MEAF6: variants seen among roughly 807,000 people sequenced by gnomAD.
MEAF6 encodes the protein chromatin modification-related protein MEAF6.
MEAF6 carries 15 observed loss-of-function variants against 28.9 expected under a neutral mutation model. The ratio of observed to expected loss-of-function variants is 0.52; its 90% CI spans 0.35 to 0.80. The LOEUF is 0.80. Among genes scored for constraint, MEAF6 ranks in the 30% least tolerant of loss-of-function variants. The probability of loss-of-function intolerance (pLI) is 0.01; values close to 1 mark genes in which losing one functional copy is unlikely to be tolerated. For synonymous variants in MEAF6, 97 were observed against 88.7 expected (o/e 1.09, Z -0.53); for missense variants, 178 against 237.5 (o/e 0.75, Z 1.65).
chr1:37,499,225 T>C (rs181805677), intron 5 of MEAF6, among the ~76,000 whole-genome samples: 1,620 of 152,314 alleles, frequency 0.011, 22 homozygotes, highest in Non-Finnish European at 0.013. Context: ...GCCATATTTA[T>C]TTCCACCTTT....
At chr1:37,497,874 G>C (rs1642171655) in intron 5 of MEAF6, among the ~76,000 whole-genome samples, 1 of 152,052 alleles carries the variant, frequency 6.6e-6, no homozygotes, top group African/African-American at 2.4e-5. Flanking sequence ...TTACAGGCAT[G>C]AGCCACTGCA....
intron 2 of MEAF6, among the ~76,000 whole-genome samples, chr1:37,512,215 A>G (rs1290314706): frequency 2.0e-5 from 3 of 152,246 alleles, no homozygotes; most frequent in Non-Finnish European, 4.4e-5. Context: ...AGAACTATAT[A>G]TATACATTGT....
intron 2 of MEAF6, 79 bp downstream of exon 2, chr1:37,513,344 G>A (rs1453074094): frequency 3.8e-6 from 4 of 1,049,006 alleles, no homozygotes; most frequent in Middle Eastern, 4.1e-4. Flanking sequence ...CTCCAGCAAA[G>A]TTGCCACTAA....
intron 5 of MEAF6, among the ~76,000 whole-genome samples, chr1:37,497,004 C>T (rs1642146437): frequency 6.6e-6 from 1 of 151,928 alleles, no homozygotes; most frequent in Non-Finnish European, 1.5e-5. Flanking sequence ...TTATTAGCTG[C>T]CAAATTCGGA....
Position 37,493,765 on chromosome 1 carries a change from G to C in MEAF6, c.*334C>G. 6.5e-7 allele frequency: 1 copy of C among 1,548,296 alleles called. No homozygotes were observed. The highest frequency in any genetic ancestry group is 1.4e-5 in the African/African-American group (1 of 73,090). Reference sequence around the variant, plus strand: ...CAAAACCAGAGAACATTTCTTGAAGGGTATCACAGATGAAGCTGGTGCCAG... The same window carrying C: ...CAAAACCAGAGAACATTTCTTGAAGCGTATCACAGATGAAGCTGGTGCCAG... On this transcript the variant is annotated 3_prime_UTR_variant, in exon 7 of 7. Transcript: ENST00000296214.
chr1:37,500,278 G>C (rs1329912591), intron 5 of MEAF6, among the ~76,000 whole-genome samples: 1 of 70,766 alleles, frequency 1.4e-5, no homozygotes, highest in Non-Finnish European at 4.1e-5. Context: ...CTGGGTGACA[G>C]AGCAAGACTG....
chr1:37,494,895 G>A (rs1642064708), intron 6 of MEAF6, among the ~76,000 whole-genome samples: 1 of 151,582 alleles, frequency 6.6e-6, no homozygotes, highest in Non-Finnish European at 1.5e-5. Context: ...TTTCACATCT[G>A]AAAATGGTCT....
intron 5 of MEAF6, chr1:37,500,916 G>A (rs944109909): frequency 9.7e-5 from 15 of 154,138 alleles, no homozygotes; most frequent in African/African-American, 3.6e-4. Flanking sequence ...TCTAGAATGA[G>A]AACTCTTACC....
intron 4 of MEAF6, among the ~76,000 whole-genome samples, chr1:37,506,882 T>C (rs1298004683): frequency 2.6e-5 from 4 of 152,198 alleles, no homozygotes. Context: ...ACATAAGTGT[T>C]TGTCTTAGCC....
chr1:37,506,740 A>C (rs1642498048), intron 4 of MEAF6, among the ~76,000 whole-genome samples: 1 of 152,020 alleles, frequency 6.6e-6, no homozygotes, highest in Non-Finnish European at 1.5e-5. Context: ...CTCAGGCTGG[A>C]GTGTCATGGC....
chr1:37,496,685 T>TA (rs778474190), intron 5 of MEAF6: 73 of 1,586,542 alleles, frequency 4.6e-5, no homozygotes, highest in Non-Finnish European at 6.1e-5. Context: ...ACAGCACAAA[T>TA]ACTAATTCAA....
In MEAF6 at chr1:37,492,738, T is replaced by C. The variant is rs114745536; in HGVS notation, c.*1361A>G. 0.051 allele frequency: 7,802 copies of C among 152,652 alleles called. 293 individuals are homozygous for C. Among genetic ancestry groups the C allele is most frequent in the Non-Finnish European group, 0.077 (5,245 of 68,026 alleles). 9.5% of individuals were successfully genotyped at this position (152,652 alleles called of 1,614,324 possible). A position where few individuals can be genotyped will look rare whatever the true frequency, so the allele number is the denominator to read the frequency against. On this transcript the variant is annotated 3_prime_UTR_variant, in exon 7 of 7. Transcript: ENST00000296214. The stretch of plus-strand genomic sequence containing the variant: ...AAAGATATAGGCATAAGTCAAGGAC[T>C]ATGACTAACTAGAGTGAAAGGAAAG...
At chr1:37,503,442 A>G (rs1410037344) in intron 4 of MEAF6, among the ~76,000 whole-genome samples, 4 of 152,136 alleles carry the variant, frequency 2.6e-5, no homozygotes, top group African/African-American at 7.2e-5. Flanking sequence ...CTTGAGGCCA[A>G]ATGTTCAAGA....
intron 4 of MEAF6, among the ~76,000 whole-genome samples, chr1:37,502,902 G>A (rs1204376155): frequency 6.6e-6 from 1 of 151,948 alleles, no homozygotes; most frequent in Non-Finnish European, 1.5e-5. Flanking sequence ...TTACAGGCAT[G>A]AGCCACCACA....
At chr1:37,509,246 A>G (rs1569985103) in intron 4 of MEAF6, 32 bp downstream of exon 4, 1 of 1,600,298 alleles carries the variant, frequency 6.2e-7, no homozygotes, top group Non-Finnish European at 8.6e-7. Context: ...CTTAAAAATA[A>G]ACTGATGAGA....
rs745816169 is a variant in MEAF6 at position 37,494,122 on chromosome 1, A to G, written c.568-15T>C. On this transcript the variant is annotated splice_polypyrimidine_tract_variant and intron_variant, in intron 6 of 6. Coordinates refer to ENST00000296214, the MANE Select transcript of MEAF6 (RefSeq NM_001270875.3). ...TTCTAATAGTCCTAAAGAAAGAAAA[A>G]CAAAAGTCCCAACTTACTCTCGGCA... The G allele has an allele frequency of 1.9e-6, 3 of 1,609,076 alleles. No individual in the cohort carries two copies. Among genetic ancestry groups the G allele is most frequent in the Non-Finnish European group, 2.6e-6 (3 of 1,176,334 alleles).
intron 4 of MEAF6, among the ~76,000 whole-genome samples, chr1:37,502,546 G>GT (rs1007217915): frequency 9.1e-5 from 11 of 120,796 alleles, no homozygotes; most frequent in Non-Finnish European, 2.0e-4. Context: ...GTTTTCCATT[G>GT]TTTTTTCTTG....
At position 37,493,798 on chromosome 1, in the gene MEAF6, T is replaced by C. The variant is rs780534754; in HGVS notation, c.*301A>G. 2 of 1,550,718 alleles carry C rather than the reference T, an allele frequency of 1.3e-6. No homozygotes were observed. The highest frequency in any genetic ancestry group is 3.9e-5 in the Admixed American group (2 of 50,836). ...AGATGAAGCTGGTGCCAGCCAGTTT[T>C]GGGGGAGACATTCATTCTAAGAAGG... is the stretch of plus-strand genomic sequence containing the variant. On this transcript the variant is annotated 3_prime_UTR_variant, in exon 7 of 7. Transcript: ENST00000296214.
At chr1:37,502,439 T>C (rs888607329) in intron 4 of MEAF6, among the ~76,000 whole-genome samples, 4 of 151,688 alleles carry the variant, frequency 2.6e-5, no homozygotes, top group Admixed American at 6.6e-5. Context: ...TTAAATGTAA[T>C]CTACAGTGAT....
Sources: allele counts gnomAD v4.1 joint callset (sites outside exome capture counted in the v4.1 genomes callset), GRCh38; gene constraint gnomAD v4.1.1; transcripts MANE v1.5; gene names NCBI Gene and HGNC (gene_info 2026-07-23, HGNC 2026-07-21).